TMEM223: variants seen among roughly 807,000 people sequenced by gnomAD.
The protein encoded by TMEM223 is transmembrane protein 223.
Under a neutral mutation model 14.1 loss-of-function variants are expected in TMEM223, and 14 were observed. The observed-to-expected ratio is 0.99, with a 90% CI of 0.66 to 1.55. The LOEUF (loss-of-function observed/expected upper bound fraction) is 1.55, where lower values mean the gene tolerates loss of function less well. Among genes scored for constraint, TMEM223 ranks in the 40% most tolerant of loss-of-function variants. The probability of loss-of-function intolerance (pLI) is 0.00; values close to 1 mark genes in which losing one functional copy is unlikely to be tolerated. For missense variants in TMEM223, 346 were observed against 269.9 expected, an observed-to-expected ratio of 1.28 and a Z score of -1.97; for synonymous variants, 145 against 120.5, an observed-to-expected ratio of 1.20 and a Z score of -1.33.
At chr11:62,788,976 TAG>T, downstream of TMEM223, 1 of 1,571,856 alleles carries the variant, frequency 6.4e-7, no homozygotes, top group Non-Finnish European at 8.7e-7. Flanking sequence ...AGACTGTATC[TAG>T]AGACATTAAC....
downstream of TMEM223, chr11:62,786,493 T>C (rs917436655): frequency 6.4e-7 from 1 of 1,570,870 alleles, no homozygotes; most frequent in East Asian, 2.3e-5. Flanking sequence ...ATTTTTTGCC[T>C]ATCTTAGTCC....
intron 2 of TMEM223, among the ~76,000 whole-genome samples, chr11:62,773,230 C>T (rs2084162798): frequency 6.6e-6 from 1 of 151,940 alleles, no homozygotes. Context: ...TCACTACAAC[C>T]TCCACCTCCC....
At position 62,778,180 on chromosome 11, in the gene TMEM223, G is replaced by A. The variant is rs569357869; in HGVS notation, c.315-3515C>T. The A allele has an allele frequency of 1.5e-5, 24 of 1,613,926 alleles. No individual in the cohort carries two copies. In the East Asian group the frequency reaches 5.1e-4, roughly 34 times the overall value. The stretch of plus-strand genomic sequence containing the variant: ...GGGGATGGGAGTTGGGCCGTGAAGA[G>A]AAGTGGTGATGGGCTGGCTGGTGGA... On this transcript the variant is annotated intron_variant, in intron 1 of 2. Coordinates refer to the TMEM223 transcript ENST00000528367.
At chr11:62,781,911 G>C (rs779072560) in intron 1 of TMEM223, 1 of 1,614,156 alleles carries the variant, frequency 6.2e-7, no homozygotes, top group Admixed American at 1.7e-5. Context: ...TCCAGGACTT[G>C]CAGACGAACT....
At position 62,779,913 on chromosome 11, in the gene TMEM223, G is replaced by T. The variant is rs571036879; in HGVS notation, c.315-5248C>A. ...ACTCCTGACCTCAGGTGATCCACCC[G>T]CCTCTGCCTCCCAAAGTGGTGGGAT... On this transcript the variant is annotated intron_variant, in intron 1 of 2. Transcript: ENST00000528367. Among the ~76,000 whole-genome samples, 6 of 139,858 alleles carry T rather than the reference G, an allele frequency of 4.3e-5. No homozygotes were observed. The South Asian group carries it at 1.4e-3, about 32-fold the overall frequency. The allele number at this position is 139,858 out of a possible 152,430, so 91.8% of individuals were successfully genotyped here.
downstream of TMEM223, among the ~76,000 whole-genome samples, chr11:62,788,260 G>C (rs1485896120): frequency 6.6e-6 from 1 of 151,792 alleles, no homozygotes; most frequent in African/African-American, 2.4e-5. Context: ...AAAATTAGCC[G>C]GGTGTGGTGG....
At chr11:62,785,490 C>CCAATCACAGGATTTTAAA (rs1459733338), downstream of TMEM223, among the ~76,000 whole-genome samples, 1 of 151,420 alleles carries the variant, frequency 6.6e-6, no homozygotes, top group Non-Finnish European at 1.5e-5. Context: ...CAGCGCCCGG[C>CCAATCACAGGATTTTAAA]TGGTATTTTC....
At chr11:62,785,472 G>C (rs947119224), downstream of TMEM223, among the ~76,000 whole-genome samples, 1 of 151,648 alleles carries the variant, frequency 6.6e-6, no homozygotes, top group Admixed American at 6.6e-5. Context: ...GATTACAGGC[G>C]TGAGCCACAG....
chr11:62,783,034 C>T (rs925909857), downstream of TMEM223, among the ~76,000 whole-genome samples: 2 of 152,180 alleles, frequency 1.3e-5, no homozygotes, highest in Non-Finnish European at 2.9e-5. Context: ...ACTGATGTCC[C>T]CACATTTTAT....
chr11:62,776,726 C>T (rs910309847), intron 1 of TMEM223, among the ~76,000 whole-genome samples: 1 of 151,836 alleles, frequency 6.6e-6, no homozygotes. Flanking sequence ...TGGTACATGT[C>T]TGTAATCCCA....
downstream of TMEM223, chr11:62,789,225 C>T (rs371596600): frequency 3.1e-6 from 5 of 1,613,870 alleles, no homozygotes; most frequent in East Asian, 4.5e-5. Context: ...CTGCCTAACC[C>T]TGAGGGCCAG....
chr11:62,789,894 T>C (rs765472125), downstream of TMEM223: 13 of 1,613,480 alleles, frequency 8.1e-6, no homozygotes, highest in Non-Finnish European at 1.0e-5. Flanking sequence ...AGACCTCTTC[T>C]TGGGTGAATT....
intron 1 of TMEM223, chr11:62,778,941 G>C: frequency 6.2e-7 from 1 of 1,614,130 alleles, no homozygotes; most frequent in Non-Finnish European, 8.5e-7. Context: ...GCTGTGCTAG[G>C]GGATGATCCG....
chr11:62,775,944 AC>A (rs1463572206), intron 1 of TMEM223: 9 of 1,581,522 alleles, frequency 5.7e-6, no homozygotes, highest in East Asian at 2.3e-5. Context: ...CACTCCCCTC[AC>A]CCCCTGATAC....
chr11:62,788,652 C>G (rs909903017), downstream of TMEM223, among the ~76,000 whole-genome samples: 1 of 144,422 alleles, frequency 6.9e-6, no homozygotes, highest in African/African-American at 2.5e-5. Context: ...TGCAGTGAGC[C>G]GAGATGGCGC....
At chr11:62,776,490 C>T in intron 1 of TMEM223, 1 of 1,611,710 alleles carries the variant, frequency 6.2e-7, no homozygotes, top group South Asian at 1.1e-5. Context: ...GTGCAGGCTA[C>T]AGAGGGCTCA....
At chr11:62,772,060 A>G (rs1319159383) in exon 3 of TMEM223, 1 of 455,898 alleles carries the variant, frequency 2.2e-6, no homozygotes, top group East Asian at 7.0e-5. Flanking sequence ...CCCCCTCCCT[A>G]CTTACTCAGT....
chr11:62,783,424 G>T (rs2033810703), downstream of TMEM223, among the ~76,000 whole-genome samples: 1 of 151,618 alleles, frequency 6.6e-6, no homozygotes, highest in Non-Finnish European at 1.5e-5. Context: ...GGAGCTTGCA[G>T]TGAGCCGAGA....
chr11:62,772,097 ATGGAACATTTAGCCTCTGAGGTT>A (rs1412336454), exon 3 of TMEM223: 1 of 456,158 alleles, frequency 2.2e-6, no homozygotes, highest in Non-Finnish European at 4.4e-6. Flanking sequence ...TGGAGAAGTC[ATGGAACATTTAGCCTCTGAGGTT>A]TGATTTCCTT....
Sources: gnomAD v4.1 joint callset for allele counts (sites outside exome capture counted in the v4.1 genomes callset) on GRCh38, gnomAD v4.1.1 for gene constraint, MANE v1.5 for transcripts, NCBI Gene and HGNC (gene_info 2026-07-23, HGNC 2026-07-21) for gene names.